FTO: variants seen among roughly 807,000 people sequenced by gnomAD.
The protein encoded by FTO is alpha-ketoglutarate-dependent dioxygenase FTO.
FTO carries 47 observed loss-of-function variants against 63.9 expected under a neutral mutation model. The ratio of observed to expected loss-of-function variants is 0.74; its 90% confidence interval spans 0.58 to 0.94. FTO has a LOEUF of 0.94. FTO is among the 40% of genes least tolerant of loss of function. The pLI, the probability that FTO is intolerant of heterozygous loss-of-function variation, is 0.00. For missense variants in FTO, 562 were observed against 618.1 expected (o/e 0.91, Z 0.96); for synonymous variants, 207 against 224.4 (o/e 0.92, Z 0.69).
chr16:53,915,041 A>G (rs889782913), intron 7 of FTO, among the ~76,000 whole-genome samples: 1 of 152,182 alleles, frequency 6.6e-6, no homozygotes, highest in African/African-American at 2.4e-5. Context: ...AGCCACAAAG[A>G]GAGCATATTT....
At chr16:53,909,532 C>CT (rs58121446) in intron 7 of FTO, among the ~76,000 whole-genome samples, 812 of 71,174 alleles carry the variant, frequency 0.011, 60 homozygotes, top group East Asian at 0.031. Flanking sequence ...AGAGCCCCGC[C>CT]TTTTTTTTTT....
chr16:54,018,313 C>G (rs1457847998), intron 8 of FTO, among the ~76,000 whole-genome samples: 1 of 151,984 alleles, frequency 6.6e-6, no homozygotes, highest in African/African-American at 2.4e-5. Flanking sequence ...GTAATATATG[C>G]AGATACTGGT....
intron 8 of FTO, chr16:53,999,614 T>TTAAAGACCCCATGGAAGC (rs2084022657): frequency 6.6e-6 from 1 of 152,232 alleles, no homozygotes; most frequent in Non-Finnish European, 1.5e-5. Context: ...TGAACAGTTA[T>TTAAAGACCCCATGGAAGC]TAAAGACCCC....
intron 7 of FTO, among the ~76,000 whole-genome samples, chr16:53,917,921 C>T (rs2081920150): frequency 6.6e-6 from 1 of 152,134 alleles, no homozygotes; most frequent in Middle Eastern, 3.2e-3. Flanking sequence ...CTGAATTATC[C>T]TTTTCTACCA....
chr16:53,745,940 T>G (rs2076640041), intron 1 of FTO, among the ~76,000 whole-genome samples: 3 of 137,946 alleles, frequency 2.2e-5, no homozygotes, highest in Non-Finnish European at 4.6e-5. Context: ...AACGTGGATT[T>G]ATTTATGCTT....
chr16:53,997,718 G>A (rs2083975811), intron 8 of FTO, among the ~76,000 whole-genome samples: 2 of 149,786 alleles, frequency 1.3e-5, no homozygotes, highest in South Asian at 2.1e-4. Context: ...TTTTTTTTAG[G>A]AAAAAGCTGC....
At chr16:54,092,187 T>G (rs1230811495) in intron 8 of FTO, among the ~76,000 whole-genome samples, 2 of 152,066 alleles carry the variant, frequency 1.3e-5, no homozygotes, top group African/African-American at 4.8e-5. Flanking sequence ...GGGGGCTGAG[T>G]TGGGATGATC....
chr16:53,756,268 C>A (rs538076151), intron 1 of FTO, among the ~76,000 whole-genome samples: 3 of 152,126 alleles, frequency 2.0e-5, no homozygotes, highest in Admixed American at 2.0e-4. Context: ...GTCTTCATGG[C>A]CTTCTGTAAT....
intron 8 of FTO, among the ~76,000 whole-genome samples, chr16:53,954,112 T>A (rs2082865218): frequency 6.6e-6 from 1 of 152,166 alleles, no homozygotes; most frequent in Non-Finnish European, 1.5e-5. Context: ...AGATTGTTGA[T>A]AGATATGAAC....
At chr16:53,785,783 G>A (rs921942507) in intron 1 of FTO, among the ~76,000 whole-genome samples, 16 of 151,944 alleles carry the variant, frequency 1.1e-4, no homozygotes, top group African/African-American at 1.9e-4. Flanking sequence ...GGTGACATGC[G>A]CCTGTAGTCC....
At chr16:53,717,108 G>C (rs1460297668) in intron 1 of FTO, among the ~76,000 whole-genome samples, 2 of 150,608 alleles carry the variant, frequency 1.3e-5, no homozygotes, top group Non-Finnish European at 3.0e-5. Context: ...GAACATTCTT[G>C]TACATAAATC....
At chr16:54,068,341 C>T (rs1389855558) in intron 8 of FTO, among the ~76,000 whole-genome samples, 2 of 151,658 alleles carry the variant, frequency 1.3e-5, no homozygotes, top group Non-Finnish European at 2.9e-5. Flanking sequence ...GACTTTTTTC[C>T]TTGAGAGCCC....
chr16:53,863,136 A>T (rs1423621857), intron 4 of FTO, among the ~76,000 whole-genome samples: 1 of 152,210 alleles, frequency 6.6e-6, no homozygotes, highest in Non-Finnish European at 1.5e-5. Flanking sequence ...CCGTATTTTC[A>T]CAGATGCAGT....
At chr16:53,835,182 C>A (rs1387581761) in intron 3 of FTO, among the ~76,000 whole-genome samples, 3 of 152,208 alleles carry the variant, frequency 2.0e-5, no homozygotes, top group African/African-American at 4.8e-5. Context: ...TCTTGGAGCA[C>A]TGTCTTCCAG....
chr16:54,059,620 CA>C (rs2085521469), intron 8 of FTO, among the ~76,000 whole-genome samples: 1 of 152,176 alleles, frequency 6.6e-6, no homozygotes, highest in Admixed American at 6.5e-5. Context: ...TGGGGCCCAT[CA>C]CCAGCAATAA....
At chr16:53,825,770 C>T in intron 2 of FTO, 94 bp from the exon 3 acceptor site, 1 of 1,470,164 alleles carries the variant, frequency 6.8e-7, no homozygotes, top group Non-Finnish European at 9.4e-7. Flanking sequence ...AGTCCCCCCA[C>T]AACTCCCCAA....
intron 8 of FTO, among the ~76,000 whole-genome samples, chr16:54,064,177 A>C (rs2144406049): frequency 6.6e-6 from 1 of 152,054 alleles, no homozygotes; most frequent in East Asian, 1.9e-4. Context: ...TATTATCACC[A>C]CTGTTGCTGC....
intron 3 of FTO, among the ~76,000 whole-genome samples, chr16:53,828,350 G>A (rs9924896): frequency 0.77 from 117,265 of 152,094 alleles, 45,257 homozygotes; most frequent in African/African-American, 0.82. Flanking sequence ...CTCCCAAGTA[G>A]CTGGGGCTAC....
At chr16:53,999,702 T>C (rs1298061312) in intron 8 of FTO, 2 of 152,252 alleles carry the variant, frequency 1.3e-5, no homozygotes, top group Non-Finnish European at 2.9e-5. Flanking sequence ...ATTTTACCTC[T>C]AATAGAGATT....
Sources: gnomAD v4.1 joint callset for allele counts (sites outside exome capture counted in the v4.1 genomes callset) on GRCh38, gnomAD v4.1.1 for gene constraint, MANE v1.5 for transcripts, NCBI Gene and HGNC (gene_info 2026-07-23, HGNC 2026-07-21) for gene names.